MECOM: variants seen among roughly 807,000 people sequenced by gnomAD.
MECOM encodes MDS1 and EVI1 complex locus.
In MECOM, 13 loss-of-function variants were observed where a neutral mutation model predicts 116.3. That is an observed-to-expected ratio of 0.11 (90% confidence interval 0.07 to 0.18). The LOEUF (loss-of-function observed/expected upper bound fraction) is 0.18. MECOM is among the 10% of genes least tolerant of loss of function. The probability of loss-of-function intolerance (pLI) is 1.00; values close to 1 mark genes in which losing one functional copy is unlikely to be tolerated. For missense variants in MECOM, 1,299 were observed against 1,509.0 expected (o/e 0.86, Z 2.31); for synonymous variants, 528 against 535.2 (o/e 0.99, Z 0.19).
chr3:169,109,643 T>C (rs1434362115), intron 9 of MECOM, among the ~76,000 whole-genome samples: 2 of 152,194 alleles, frequency 1.3e-5, no homozygotes, highest in Non-Finnish European at 2.9e-5. Context: ...GTTGAACTCC[T>C]GACCTTAGGT....
chr3:169,547,217 C>T (rs1202915174), intron 1 of MECOM, among the ~76,000 whole-genome samples: 1 of 152,080 alleles, frequency 6.6e-6, no homozygotes, highest in Non-Finnish European at 1.5e-5. Flanking sequence ...TGGCACTTCC[C>T]CCTTTGTGCT....
At chr3:169,628,399 C>T (rs965920528) in intron 1 of MECOM, among the ~76,000 whole-genome samples, 1 of 152,186 alleles carries the variant, frequency 6.6e-6, no homozygotes, top group African/African-American at 2.4e-5. Context: ...CACATTGTTG[C>T]TTCTGAGAGT....
intron 1 of MECOM, among the ~76,000 whole-genome samples, chr3:169,660,224 G>A (rs986370044): frequency 1.3e-5 from 2 of 152,180 alleles, no homozygotes; most frequent in Admixed American, 6.5e-5. Context: ...GCCAGAGTCG[G>A]TTTGGCTTTT....
intron 1 of MECOM, among the ~76,000 whole-genome samples, chr3:169,547,424 A>C (rs1442977249): frequency 1.3e-5 from 2 of 152,180 alleles, no homozygotes; most frequent in African/African-American, 4.8e-5. Context: ...AGAATGGTCT[A>C]ATACATTACC....
At chr3:169,569,382 G>C (rs756842760) in intron 1 of MECOM, among the ~76,000 whole-genome samples, 3 of 152,064 alleles carry the variant, frequency 2.0e-5, no homozygotes, top group Non-Finnish European at 4.4e-5. Flanking sequence ...TAATAATAGT[G>C]GGAGACTTTA....
chr3:169,349,137 C>G (rs1252356878), intron 2 of MECOM, among the ~76,000 whole-genome samples: 3 of 148,918 alleles, frequency 2.0e-5, no homozygotes, highest in African/African-American at 7.4e-5. Context: ...AACAATCAGG[C>G]TTTTATTTTA....
At chr3:169,180,992 G>A (rs1381045688) in intron 2 of MECOM, among the ~76,000 whole-genome samples, 2 of 151,900 alleles carry the variant, frequency 1.3e-5, no homozygotes, top group Non-Finnish European at 2.9e-5. Flanking sequence ...AATAACTGCT[G>A]TAACTTTGCT....
intron 1 of MECOM, among the ~76,000 whole-genome samples, chr3:169,575,110 C>G (rs1764337998): frequency 6.6e-6 from 1 of 152,126 alleles, no homozygotes; most frequent in Non-Finnish European, 1.5e-5. Flanking sequence ...GAAAAATATA[C>G]CTGTTGCTAC....
At chr3:169,282,574 CATTT>C (rs995635166) in intron 2 of MECOM, among the ~76,000 whole-genome samples, 5 of 152,178 alleles carry the variant, frequency 3.3e-5, no homozygotes, top group Admixed American at 1.3e-4. Flanking sequence ...TTTATTTACT[CATTT>C]ATTCATTCTT....
At chr3:169,229,867 A>G (rs79769140) in intron 2 of MECOM, among the ~76,000 whole-genome samples, 12,152 of 152,206 alleles carry the variant, frequency 0.08, 680 homozygotes, top group East Asian at 0.31. Flanking sequence ...TTTTCATGTC[A>G]TAATATAATG....
intron 1 of MECOM, among the ~76,000 whole-genome samples, chr3:169,599,511 CAA>C (rs535539075): frequency 0.091 from 8,601 of 94,454 alleles, 237 homozygotes; most frequent in Middle Eastern, 0.13. Flanking sequence ...GACTCTGTCT[CAA>C]AAAAAAAAAA....
intron 2 of MECOM, among the ~76,000 whole-genome samples, chr3:169,190,535 C>T (rs1747380931): frequency 6.6e-6 from 1 of 152,046 alleles, no homozygotes; most frequent in African/African-American, 2.4e-5. Context: ...AATATATTTA[C>T]ATGAATCTGA....
At chr3:169,519,747 T>C (rs1415907571) in intron 1 of MECOM, among the ~76,000 whole-genome samples, 1 of 152,258 alleles carries the variant, frequency 6.6e-6, no homozygotes, top group Non-Finnish European at 1.5e-5. Flanking sequence ...CCTTTGCCCA[T>C]TTGTTTAGTT....
intron 2 of MECOM, among the ~76,000 whole-genome samples, chr3:169,215,616 C>T (rs922938573): frequency 1.4e-4 from 21 of 152,102 alleles, no homozygotes; most frequent in African/African-American, 4.6e-4. Context: ...ATTAAACCTG[C>T]CTGAAAACTA....
At chr3:169,155,390 C>G (rs1216448389) in intron 2 of MECOM, among the ~76,000 whole-genome samples, 1 of 152,128 alleles carries the variant, frequency 6.6e-6, no homozygotes, top group East Asian at 1.9e-4. Context: ...CTTCCCTTGT[C>G]CCCAATAAAT....
chr3:169,630,477 A>G (rs10936589), intron 1 of MECOM, among the ~76,000 whole-genome samples: 107,924 of 149,570 alleles, frequency 0.72, 39,727 homozygotes, highest in African/African-American at 0.88. Context: ...AAAAAGACAG[A>G]GTCACACTCT....
At chr3:169,617,136 A>G (rs1770112305) in intron 1 of MECOM, among the ~76,000 whole-genome samples, 1 of 152,204 alleles carries the variant, frequency 6.6e-6, no homozygotes, top group South Asian at 2.1e-4. Context: ...GGCTTTGTAG[A>G]AGAATGGCTT....
At chr3:169,152,485 C>T (rs1295252708) in intron 2 of MECOM, among the ~76,000 whole-genome samples, 1 of 152,124 alleles carries the variant, frequency 6.6e-6, no homozygotes, top group Non-Finnish European at 1.5e-5. Context: ...CAGACATGGG[C>T]CTTTGCAGTG....
intron 1 of MECOM, among the ~76,000 whole-genome samples, chr3:169,477,561 C>A (rs2178175): frequency 6.6e-6 from 1 of 152,154 alleles, no homozygotes; most frequent in Non-Finnish European, 1.5e-5. Context: ...AAAGGATTAG[C>A]TGACTTAAAC....
Sources: allele counts gnomAD v4.1 joint callset (sites outside exome capture counted in the v4.1 genomes callset), GRCh38; gene constraint gnomAD v4.1.1; transcripts MANE v1.5; gene names NCBI Gene and HGNC (gene_info 2026-07-23, HGNC 2026-07-21).